GPRIN3: variants seen among roughly 807,000 people sequenced by gnomAD.
GPRIN3 encodes G protein-regulated inducer of neurite outgrowth 3.
A neutral mutation model predicts 13.7 loss-of-function variants in GPRIN3; 12 were observed. The observed-to-expected ratio is 0.87, with a 90% CI of 0.56 to 1.42. The LOEUF (loss-of-function observed/expected upper bound fraction) is 1.42, where lower values mean the gene tolerates loss of function less well. Ranked by LOEUF, GPRIN3 falls within the 40% of genes most tolerant of loss-of-function variation. The pLI is 0.00. For synonymous variants in GPRIN3, 377 were observed against 372.7 expected, an observed-to-expected ratio of 1.01 and a Z score of -0.13; for missense variants, 1,009 against 958.7, an observed-to-expected ratio of 1.05 and a Z score of -0.69.
At chr4:89,286,105 ATAT>A (rs1466924283) in intron 1 of GPRIN3, among the ~76,000 whole-genome samples, 5 of 151,248 alleles carry the variant, frequency 3.3e-5, no homozygotes, top group African/African-American at 1.2e-4. Flanking sequence ...ATATATATAT[ATAT>A]ATATATGTAA....
chr4:89,250,186 A>T lies in GPRIN3; in HGVS notation c.-76T>A. 6.5e-7 allele frequency: 1 copy of T among 1,527,112 alleles called. No individual in the cohort carries two copies. The highest frequency in any genetic ancestry group is 8.8e-7 in the Non-Finnish European group (1 of 1,138,630). The allele number at this position is 1,527,112 out of a possible 1,614,324, so 94.6% of individuals were successfully genotyped here. A position where few individuals can be genotyped will look rare whatever the true frequency, so the allele number is the denominator to read the frequency against. On this transcript the variant is annotated 5_prime_UTR_variant, in exon 2 of 2. Transcript: ENST00000609438. ...TGGTGGGGGAGGGGAGCGCAGTCAGAGCTCAGAGTGATGACACAGTCAGGG... is the reference window on the plus strand; with the variant it reads ...TGGTGGGGGAGGGGAGCGCAGTCAGTGCTCAGAGTGATGACACAGTCAGGG...
At chr4:89,252,619 T>A (rs1723359321) in intron 1 of GPRIN3, among the ~76,000 whole-genome samples, 1 of 152,222 alleles carries the variant, frequency 6.6e-6, no homozygotes, top group Admixed American at 6.5e-5. Flanking sequence ...ATCCTTTAGC[T>A]CAATGTAATC....
Position 89,248,547 on chromosome 4 carries a change from C to T in GPRIN3, c.1564G>A (p.Asp522Asn). The T allele has an allele frequency of 6.2e-7, 1 of 1,613,324 alleles. No individual in the cohort carries two copies. The highest frequency in any genetic ancestry group is 8.5e-7 in the Non-Finnish European group (1 of 1,179,370). The change falls in exon 2 of 2, where the codon GAT (aspartate) becomes AAT (asparagine). Residue 522 changes from aspartate (D) to asparagine (N), a missense_variant. Transcript: ENST00000609438. ...SDSCGSISKA[D>N]HSGSLDPTNK... ...GTGGGATCCAAGCTCCCAGAATGAT[C>T]AGCTTTGCTGATAGAGCCACAAGAG... is the stretch of plus-strand genomic sequence containing the variant.
At chr4:89,268,003 A>G (rs541335064) in intron 1 of GPRIN3, among the ~76,000 whole-genome samples, 1 of 152,344 alleles carries the variant, frequency 6.6e-6, no homozygotes, top group South Asian at 2.1e-4. Flanking sequence ...ACTGGGATGT[A>G]GTTACGCAAA....
intron 1 of GPRIN3, among the ~76,000 whole-genome samples, chr4:89,291,977 T>C (rs1184123151): frequency 6.6e-6 from 1 of 152,168 alleles, no homozygotes; most frequent in Non-Finnish European, 1.5e-5. Flanking sequence ...TGGTTCTTTG[T>C]ATTAGCTCTC....
At chr4:89,254,128 GGTGT>G (rs57642647) in intron 1 of GPRIN3, among the ~76,000 whole-genome samples, 90 of 147,748 alleles carry the variant, frequency 6.1e-4, no homozygotes, top group Non-Finnish European at 1.1e-3. Context: ...GTTGCATCTG[GGTGT>G]GTGTGTGTGT....
At chr4:89,296,632 CAT>C (rs10597950) in intron 1 of GPRIN3, among the ~76,000 whole-genome samples, 52,807 of 151,870 alleles carry the variant, frequency 0.35, 11,218 homozygotes, top group East Asian at 0.5. Context: ...AATAAAGACA[CAT>C]GTTTGTTTTT....
intron 1 of GPRIN3, among the ~76,000 whole-genome samples, chr4:89,297,880 G>A (rs1043186114): frequency 1.3e-5 from 2 of 152,132 alleles, no homozygotes; most frequent in East Asian, 1.9e-4. Flanking sequence ...CTAAAACAGC[G>A]GCCCTTAAGC....
At chr4:89,291,074 TGTGTCAATAAACA>T (rs1184878164) in intron 1 of GPRIN3, among the ~76,000 whole-genome samples, 1 of 152,222 alleles carries the variant, frequency 6.6e-6, no homozygotes, top group Non-Finnish European at 1.5e-5. Flanking sequence ...CACATTTTTC[TGTGTCAATAAACA>T]GAGAGCAGGA....
intron 1 of GPRIN3, among the ~76,000 whole-genome samples, chr4:89,299,856 A>G (rs1347796747): frequency 1.3e-5 from 2 of 152,350 alleles, no homozygotes; most frequent in East Asian, 1.9e-4. Context: ...AAAGTTATAC[A>G]TAAGATAAAG....
rs961832699 is a variant in GPRIN3 at position 89,244,507 on chromosome 4, G to A, written c.*3273C>T. On this transcript the variant is annotated 3_prime_UTR_variant, in exon 2 of 2. Transcript: ENST00000609438. ...CTGGTTAACATTGACTTATCAGGAT[G>A]TTCAACTTTTGCCAGTGACCCAAAG... The A allele has an allele frequency of 6.6e-6, 1 of 152,144 alleles. No homozygotes were observed. The highest frequency in any genetic ancestry group is 1.5e-5 in the Non-Finnish European group (1 of 68,006). 9.4% of individuals were successfully genotyped at this position (152,144 alleles called of 1,614,324 possible). A position where few individuals can be genotyped will look rare whatever the true frequency, so the allele number is the denominator to read the frequency against.
chr4:89,241,999 C>T lies in GPRIN3; in HGVS notation c.*5781G>A, dbSNP rs1345216633. The T allele has an allele frequency of 1.3e-5, 2 of 152,176 alleles. No homozygotes were observed. Among genetic ancestry groups the T allele is most frequent in the African/African-American group, 2.4e-5 (1 of 41,452 alleles). The allele number at this position is 152,176 out of a possible 1,614,324, so 9.4% of individuals were successfully genotyped here. A position where few individuals can be genotyped will look rare whatever the true frequency, so the allele number is the denominator to read the frequency against. ...CACCCCAGAAATAAATGAATGACATCTCCATAGTTAAGAGATCAAGAAAGC... is the reference window on the plus strand; with the variant it reads ...CACCCCAGAAATAAATGAATGACATTTCCATAGTTAAGAGATCAAGAAAGC... On this transcript the variant is annotated 3_prime_UTR_variant, in exon 2 of 2. Transcript: ENST00000609438.
chr4:89,270,321 A>AAAAC (rs34762090), intron 1 of GPRIN3, among the ~76,000 whole-genome samples: 30,787 of 149,870 alleles, frequency 0.21, 3,822 homozygotes, highest in African/African-American at 0.35. Flanking sequence ...CTTTTATGGC[A>AAAAC]AAACAAACAA....
intron 1 of GPRIN3, among the ~76,000 whole-genome samples, chr4:89,294,122 T>G (rs770492500): frequency 1.3e-5 from 2 of 152,206 alleles, no homozygotes; most frequent in Non-Finnish European, 2.9e-5. Context: ...ACAGAAAAAC[T>G]AACAATTAAT....
rs1313432330 is a variant in GPRIN3, at chr4:89,249,001, C to T, written c.1110G>A (p.Leu370=). The T allele has an allele frequency of 6.2e-7, 1 of 1,614,172 alleles. No individual in the cohort carries two copies. Among genetic ancestry groups the T allele is most frequent in the South Asian group, 1.1e-5 (1 of 91,084 alleles). ...GGGCTAGCGTGCTGTCAGAGAGCTCCAGTGTGTGGCTCCCACTGCTGTGGC... is the reference window on the plus strand; with the variant it reads ...GGGCTAGCGTGCTGTCAGAGAGCTCTAGTGTGTGGCTCCCACTGCTGTGGC... ...VICHSSGSHT[L]ELSDSTLAPQ... The change falls in exon 2 of 2, where the codon CTG becomes CTA. Residue 370 remains leucine (L), a synonymous_variant. Transcript: ENST00000609438.
At chr4:89,264,074 G>A (rs866130085) in intron 1 of GPRIN3, among the ~76,000 whole-genome samples, 5 of 152,154 alleles carry the variant, frequency 3.3e-5, no homozygotes, top group Middle Eastern at 6.8e-3. Context: ...TGCACATATT[G>A]CCTCTTCTAT....
chr4:89,296,334 G>A (rs767003058), intron 1 of GPRIN3, among the ~76,000 whole-genome samples: 87 of 152,134 alleles, frequency 5.7e-4, no homozygotes, highest in Non-Finnish European at 1.0e-3. Flanking sequence ...TTCAGTTATT[G>A]GATTTTCACC....
At chr4:89,292,527 A>T (rs1481342173) in intron 1 of GPRIN3, among the ~76,000 whole-genome samples, 1 of 152,186 alleles carries the variant, frequency 6.6e-6, no homozygotes, top group Non-Finnish European at 1.5e-5. Flanking sequence ...AGGGGACCTG[A>T]TCTGTACATA....
rs950948797 is a variant in GPRIN3 at position 89,242,224 on chromosome 4, G to A, written c.*5556C>T. On this transcript the variant is annotated 3_prime_UTR_variant, in exon 2 of 2. Coordinates refer to ENST00000609438, the MANE Select transcript of GPRIN3 (RefSeq NM_198281.3). ...ATACTTGATGAAGAGTTAGCATTTA[G>A]AAGTGCCCATCTGGAGCATCGTTTT... The A allele has an allele frequency of 6.6e-6, 1 of 152,150 alleles. No homozygotes were observed. Among genetic ancestry groups the A allele is most frequent in the Non-Finnish European group, 1.5e-5 (1 of 68,026 alleles). 9.4% of individuals were successfully genotyped at this position (152,150 alleles called of 1,614,324 possible).
Sources: allele counts gnomAD v4.1 joint callset (sites outside exome capture counted in the v4.1 genomes callset), GRCh38; gene constraint gnomAD v4.1.1; transcripts MANE v1.5; gene names NCBI Gene and HGNC (gene_info 2026-07-23, HGNC 2026-07-21).